Variants in CDH18 observed in about 807,000 individuals in gnomAD.
CDH18 encodes cadherin 18.
In CDH18, 31 loss-of-function variants were observed where a neutral mutation model predicts 67.9. That is an observed-to-expected ratio of 0.46 (90% confidence interval 0.34 to 0.62). CDH18 has a LOEUF of 0.62. CDH18 is among the 20% of genes least tolerant of loss of function. The probability of loss-of-function intolerance (pLI) is 0.01; values close to 1 mark genes in which losing one functional copy is unlikely to be tolerated. For missense variants in CDH18, 890 were observed against 975.5 expected (o/e 0.91, Z 1.17); for synonymous variants, 362 against 347.2 (o/e 1.04, Z -0.48).
chr5:19,979,880 T>C (rs542951986), intron 2 of CDH18, among the ~76,000 whole-genome samples: 3 of 152,158 alleles, frequency 2.0e-5, no homozygotes, highest in African/African-American at 7.2e-5. Context: ...TTGAAAGCAT[T>C]CCCTCTGAGA....
intron 3 of CDH18, among the ~76,000 whole-genome samples, chr5:19,787,611 G>C (rs1409091647): frequency 6.6e-6 from 1 of 151,718 alleles, no homozygotes; most frequent in Non-Finnish European, 1.5e-5. Context: ...TTGGATCTAA[G>C]ACCACATAAC....
intron 11 of CDH18, among the ~76,000 whole-genome samples, chr5:19,496,958 G>C (rs1742444103): frequency 2.0e-5 from 3 of 151,854 alleles, no homozygotes; most frequent in Admixed American, 2.0e-4. Flanking sequence ...TGATCTTAGA[G>C]TTCCCAGCTT....
intron 3 of CDH18, among the ~76,000 whole-genome samples, chr5:19,805,303 GTCC>G (rs1777923936): frequency 6.6e-6 from 1 of 151,918 alleles, no homozygotes; most frequent in African/African-American, 2.4e-5. Context: ...TGTTATCCAC[GTCC>G]TCCTTGAAAC....
At chr5:19,841,036 T>C (rs1192313586) in intron 2 of CDH18, among the ~76,000 whole-genome samples, 3 of 152,158 alleles carry the variant, frequency 2.0e-5, no homozygotes, top group Non-Finnish European at 4.4e-5. Context: ...GGAAAGATGC[T>C]ACACAGATTT....
At chr5:20,570,489 G>A (rs2126670568) in intron 1 of CDH18, among the ~76,000 whole-genome samples, 1 of 152,270 alleles carries the variant, frequency 6.6e-6, no homozygotes, top group Non-Finnish European at 1.5e-5. Context: ...GGGTGAGAAT[G>A]GATAACTTTT....
At chr5:19,678,690 T>C (rs1216349774) in intron 5 of CDH18, among the ~76,000 whole-genome samples, 4 of 151,376 alleles carry the variant, frequency 2.6e-5, no homozygotes, top group African/African-American at 9.7e-5. Flanking sequence ...ACACAACCTG[T>C]AAAACCTAGA....
At chr5:20,346,219 A>C (rs1352129765) in intron 1 of CDH18, among the ~76,000 whole-genome samples, 1 of 152,058 alleles carries the variant, frequency 6.6e-6, no homozygotes, top group Admixed American at 6.6e-5. Context: ...AACATGGAAC[A>C]CTCTATGTTA....
intron 8 of CDH18, among the ~76,000 whole-genome samples, chr5:19,559,909 T>G (rs1580208392): frequency 7.6e-6 from 1 of 132,200 alleles, no homozygotes; most frequent in Admixed American, 7.5e-5. Context: ...CCCTTTATAA[T>G]AGTTGCAAAA....
chr5:20,287,660 G>C (rs1746787052), intron 1 of CDH18, among the ~76,000 whole-genome samples: 1 of 151,738 alleles, frequency 6.6e-6, no homozygotes, highest in Admixed American at 6.6e-5. Context: ...ATTGAATCAT[G>C]ATGAGCTGAT....
intron 2 of CDH18, among the ~76,000 whole-genome samples, chr5:20,196,985 T>C (rs1739033674): frequency 6.6e-6 from 1 of 151,890 alleles, no homozygotes; most frequent in Admixed American, 6.6e-5. Flanking sequence ...TGATAATGCA[T>C]ATTATTAATT....
intron 4 of CDH18, among the ~76,000 whole-genome samples, chr5:19,739,852 T>G (rs1169763663): frequency 1.3e-5 from 2 of 152,158 alleles, no homozygotes; most frequent in African/African-American, 4.8e-5. Context: ...CATCCCAAGA[T>G]ATTTGGCAGA....
At chr5:19,657,982 A>G (rs554293008) in intron 5 of CDH18, among the ~76,000 whole-genome samples, 1 of 152,164 alleles carries the variant, frequency 6.6e-6, no homozygotes, top group Non-Finnish European at 1.5e-5. Flanking sequence ...AGGATAAATT[A>G]CACTGGAGGA....
intron 1 of CDH18, among the ~76,000 whole-genome samples, chr5:20,258,659 A>T (rs1273219838): frequency 6.6e-6 from 1 of 152,088 alleles, no homozygotes; most frequent in Non-Finnish European, 1.5e-5. Context: ...AATTTTAATT[A>T]TTTTTCAATT....
intron 9 of CDH18, among the ~76,000 whole-genome samples, chr5:19,537,095 T>C (rs766295794): frequency 1.3e-5 from 2 of 152,158 alleles, no homozygotes; most frequent in African/African-American, 2.4e-5. Context: ...TTGGATGAGA[T>C]TAGCATTTGC....
intron 2 of CDH18, among the ~76,000 whole-genome samples, chr5:19,965,238 T>C (rs907342078): frequency 6.6e-6 from 1 of 152,196 alleles, no homozygotes; most frequent in East Asian, 1.9e-4. Context: ...TAAGCTATTT[T>C]ATAAAAACAC....
intron 2 of CDH18, among the ~76,000 whole-genome samples, chr5:19,850,633 T>G (rs2149922284): frequency 6.6e-6 from 1 of 151,992 alleles, no homozygotes; most frequent in Non-Finnish European, 1.5e-5. Flanking sequence ...TAAATTGATC[T>G]GTGGCAAACA....
chr5:20,460,935 GAA>G (rs1192905285), intron 1 of CDH18, among the ~76,000 whole-genome samples: 1 of 152,152 alleles, frequency 6.6e-6, no homozygotes. Context: ...AACTAACAGT[GAA>G]AAATGTATCC....
chr5:20,154,557 G>T lies in CDH18; in HGVS notation c.-518+100887C>A, dbSNP rs190030514. Among the ~76,000 whole-genome samples the T allele has an allele frequency of 2.1e-3, 318 of 152,108 alleles. 3 individuals are homozygous for T. The highest frequency in any genetic ancestry group is 7.3e-3 in the African/African-American group (302 of 41,512). On this transcript the variant is annotated intron_variant, in intron 2 of 14. Transcript: ENST00000507958. ...TTTAATCCATTTGAAAATGGTGTTGGCTGTATCTGGAAAAATATATCTGTA... is the reference window on the plus strand; with the variant it reads ...TTTAATCCATTTGAAAATGGTGTTGTCTGTATCTGGAAAAATATATCTGTA...
chr5:19,735,863 T>C (rs1361538022), intron 4 of CDH18, among the ~76,000 whole-genome samples: 2 of 152,214 alleles, frequency 1.3e-5, no homozygotes, highest in South Asian at 2.1e-4. Flanking sequence ...TTCATGCATA[T>C]ATACATACAC....
Sources: allele counts gnomAD v4.1 joint callset (sites outside exome capture counted in the v4.1 genomes callset), GRCh38; gene constraint gnomAD v4.1.1; transcripts MANE v1.5; gene names NCBI Gene and HGNC (gene_info 2026-07-23, HGNC 2026-07-21).